Variants in TMEM117 observed in about 807,000 individuals in gnomAD.
TMEM117 encodes the protein transmembrane protein 117.
TMEM117 carries 27 observed loss-of-function variants against 52.4 expected under a neutral mutation model. The ratio of observed to expected loss-of-function variants is 0.51; its 90% CI spans 0.38 to 0.71. TMEM117 has a LOEUF of 0.71. Ranked by LOEUF, TMEM117 falls within the 30% of genes least tolerant of loss-of-function variation. The pLI, the probability that TMEM117 is intolerant of heterozygous loss-of-function variation, is 0.00. For synonymous variants in TMEM117, 215 were observed against 206.3 expected, an observed-to-expected ratio of 1.04 and a Z score of -0.36; for missense variants, 556 against 630.5, an observed-to-expected ratio of 0.88 and a Z score of 1.26.
the TMEM117 span, among the ~76,000 whole-genome samples, chr12:43,814,372 A>G: frequency 1.3e-5 from 2 of 152,050 alleles, no homozygotes; most frequent in African/African-American, 4.8e-5. Flanking sequence ...CTTTCTTTCT[A>G]TTCTCTTCCC....
At chr12:44,301,795 G>A (rs1950843631) in intron 6 of TMEM117, among the ~76,000 whole-genome samples, 1 of 152,082 alleles carries the variant, frequency 6.6e-6, no homozygotes, top group African/African-American at 2.4e-5. Context: ...CGACACCTCA[G>A]AGGGCAATCA....
intron 2 of TMEM117, among the ~76,000 whole-genome samples, chr12:43,908,138 A>G (rs559453519): frequency 0.017 from 1,044 of 62,182 alleles, 186 homozygotes; most frequent in Middle Eastern, 0.032. Flanking sequence ...TCAGACTAAC[A>G]GCGGATCTCT....
intron 3 of TMEM117, among the ~76,000 whole-genome samples, chr12:44,143,173 C>T (rs1008566506): frequency 6.6e-6 from 1 of 152,168 alleles, no homozygotes; most frequent in Non-Finnish European, 1.5e-5. Flanking sequence ...TTTGAAGTTA[C>T]TCCAATTTAG....
intron 3 of TMEM117, among the ~76,000 whole-genome samples, chr12:44,047,830 T>C (rs540617414): frequency 6.6e-6 from 1 of 152,234 alleles, no homozygotes; most frequent in East Asian, 1.9e-4. Flanking sequence ...TGAAACTGAG[T>C]TGAAATTTTC....
chr12:44,027,139 A>ATTTTG (rs1565797841), intron 3 of TMEM117, among the ~76,000 whole-genome samples: 1 of 45,222 alleles, frequency 2.2e-5, no homozygotes, highest in African/African-American at 9.8e-5. Flanking sequence ...TTTATATTTT[A>ATTTTG]TTTTATTTTA....
At chr12:43,917,230 C>CAAAAAA (rs10602069) in intron 2 of TMEM117, among the ~76,000 whole-genome samples, 1 of 102,156 alleles carries the variant, frequency 9.8e-6, no homozygotes, top group Non-Finnish European at 2.2e-5. Context: ...CTCATCTCTA[C>CAAAAAA]AAAAAAAAAA....
intron 6 of TMEM117, among the ~76,000 whole-genome samples, chr12:44,333,961 A>G (rs1377939704): frequency 1.3e-5 from 2 of 152,058 alleles, no homozygotes; most frequent in Non-Finnish European, 1.5e-5. Flanking sequence ...GTCTGCTGTT[A>G]TCCTGAGGGA....
At chr12:44,378,696 G>A (rs995370566) in intron 7 of TMEM117, among the ~76,000 whole-genome samples, 7 of 152,156 alleles carry the variant, frequency 4.6e-5, no homozygotes, top group African/African-American at 1.7e-4. Context: ...TAAGGCTTTG[G>A]TGCAGTGTTT....
intron 3 of TMEM117, among the ~76,000 whole-genome samples, chr12:44,078,905 C>T (rs1188096342): frequency 7.1e-6 from 1 of 140,256 alleles, no homozygotes; most frequent in Non-Finnish European, 1.5e-5. Flanking sequence ...ATGTTACCCT[C>T]CCTGTGTCCA....
At chr12:43,953,122 C>T (rs2137640232) in intron 3 of TMEM117, among the ~76,000 whole-genome samples, 1 of 152,096 alleles carries the variant, frequency 6.6e-6, no homozygotes, top group Middle Eastern at 3.4e-3. Flanking sequence ...CCAGGCCTGT[C>T]TTGCATATTT....
chr12:44,386,952 A>G (rs192537005), intron 7 of TMEM117, among the ~76,000 whole-genome samples: 81 of 152,216 alleles, frequency 5.3e-4, no homozygotes, highest in Middle Eastern at 3.4e-3. Context: ...AGCAGTAACA[A>G]TAACGTTAAA....
At chr12:44,065,453 A>G (rs1461255031) in intron 3 of TMEM117, among the ~76,000 whole-genome samples, 2 of 152,194 alleles carry the variant, frequency 1.3e-5, no homozygotes, top group Non-Finnish European at 1.5e-5. Flanking sequence ...GGCTTTGGTC[A>G]TACCTTACTG....
In TMEM117 at chr12:43,907,459, G is replaced by A. The variant is rs951991660; in HGVS notation, c.278-36751G>A. On this transcript the variant is annotated intron_variant, in intron 2 of 7. Coordinates refer to ENST00000266534, the MANE Select transcript of TMEM117 (RefSeq NM_032256.3). ...AGCGCCTCTCCTCCTCCAAAGGAAC[G>A]CAGTTCCTCACCAGCAACAGAACAA... Among the ~76,000 whole-genome samples the A allele has an allele frequency of 1.1e-3, 170 of 151,678 alleles. 2 individuals carry two copies. The South Asian group carries it at 0.026, about 23-fold the overall frequency.
chr12:44,231,892 G>A (rs910269887), intron 5 of TMEM117, among the ~76,000 whole-genome samples: 5 of 151,512 alleles, frequency 3.3e-5, no homozygotes, highest in African/African-American at 1.2e-4. Context: ...CTCTTCTTAT[G>A]GGTTAAAGCA....
intron 3 of TMEM117, among the ~76,000 whole-genome samples, chr12:44,012,973 T>G (rs941549196): frequency 1.3e-5 from 2 of 152,104 alleles, no homozygotes; most frequent in African/African-American, 4.8e-5. Context: ...GGGAAGTCTT[T>G]TGTACTCCTC....
At chr12:44,318,995 G>C (rs1226890386) in intron 6 of TMEM117, among the ~76,000 whole-genome samples, 2 of 152,178 alleles carry the variant, frequency 1.3e-5, no homozygotes, top group Non-Finnish European at 2.9e-5. Flanking sequence ...AAGTCTCATT[G>C]CTCAAGAGAA....
At chr12:44,380,708 G>A (rs1749151787) in intron 7 of TMEM117, among the ~76,000 whole-genome samples, 1 of 151,728 alleles carries the variant, frequency 6.6e-6, no homozygotes, top group African/African-American at 2.4e-5. Flanking sequence ...TGCCTGCCAT[G>A]TAGTAAGCAT....
At chr12:44,280,704 G>A (rs1950566759) in intron 5 of TMEM117, among the ~76,000 whole-genome samples, 1 of 151,628 alleles carries the variant, frequency 6.6e-6, no homozygotes, top group Non-Finnish European at 1.5e-5. Flanking sequence ...CTCAAAAAAT[G>A]TTTCCTGAAT....
intron 2 of TMEM117, among the ~76,000 whole-genome samples, chr12:43,874,171 GAAAATAGT>G (rs1334339374): frequency 6.6e-6 from 1 of 152,078 alleles, no homozygotes; most frequent in Non-Finnish European, 1.5e-5. Context: ...AGGAAGGAAT[GAAAATAGT>G]GAAGACAACA....
Sources: gnomAD v4.1 joint callset for allele counts (sites outside exome capture counted in the v4.1 genomes callset) on GRCh38, gnomAD v4.1.1 for gene constraint, MANE v1.5 for transcripts, NCBI Gene and HGNC (gene_info 2026-07-23, HGNC 2026-07-21) for gene names.